DEPDC5: variants seen among roughly 807,000 people sequenced by gnomAD.
DEPDC5 encodes the protein DEP domain containing 5, GATOR1 subcomplex subunit.
A neutral mutation model predicts 217.3 loss-of-function variants in DEPDC5; 73 were observed. The ratio of observed to expected loss-of-function variants is 0.34; its 90% confidence interval spans 0.28 to 0.41. The LOEUF (loss-of-function observed/expected upper bound fraction) is 0.41, where lower values mean the gene tolerates loss of function less well. DEPDC5 is among the 10% of genes least tolerant of loss of function. The pLI is 1.00. For synonymous variants in DEPDC5, 733 were observed against 756.7 expected, an observed-to-expected ratio of 0.97 and a Z score of 0.51; for missense variants, 1,675 against 2,070.1, an observed-to-expected ratio of 0.81 and a Z score of 3.70.
intron 3 of DEPDC5, among the ~76,000 whole-genome samples, chr22:31,759,863 A>G (rs1186609453): frequency 6.7e-6 from 1 of 149,606 alleles, no homozygotes; most frequent in Non-Finnish European, 1.5e-5. Flanking sequence ...TTGTATTTTT[A>G]ATAGAGACAG....
intron 7 of DEPDC5, among the ~76,000 whole-genome samples, chr22:31,772,422 T>C (rs1225604053): frequency 1.3e-5 from 2 of 152,174 alleles, no homozygotes; most frequent in African/African-American, 4.8e-5. Flanking sequence ...GCAGAGCCAG[T>C]GTTTAGCCAT....
Position 31,906,333 on chromosome 22 carries a change from T to G in DEPDC5, c.4648T>G (p.Tyr1550Asp). The change falls in exon 43 of 43, where the codon TAC becomes GAC. Residue 1550 changes from tyrosine (Y) to aspartate (D), a missense_variant. Around this residue, in one of 11 missense-constraint regions of DEPDC5, gnomAD observed 42 missense variants for 27.7 expected, o/e 1.51. Coordinates refer to ENST00000651528, the MANE Select transcript of DEPDC5 (RefSeq NM_001242896.3). The surrounding 1 kb of genome is among the most constrained non-coding windows in gnomAD (Gnocchi z 5.1). ...CEERVGYNWA[Y>D]NTMLTKTWRS... Reference sequence around the variant, plus strand: ...GGAGCGGGTCGGCTACAACTGGGCCTACAACACCATGCTCACCAAAACATG... The same window carrying G: ...GGAGCGGGTCGGCTACAACTGGGCCGACAACACCATGCTCACCAAAACATG... 5.6e-6 allele frequency: 9 copies of G among 1,614,020 alleles called. No homozygotes were observed. Among genetic ancestry groups the G allele is most frequent in the Non-Finnish European group, 7.6e-6 (9 of 1,179,944 alleles).
intron 40 of DEPDC5, among the ~76,000 whole-genome samples, chr22:31,900,423 G>T (rs1056622358): frequency 2.6e-5 from 4 of 152,034 alleles, no homozygotes; most frequent in Non-Finnish European, 5.9e-5. Context: ...GCCCTTTCTT[G>T]TGGGAAGATT....
chr22:31,900,305 C>T (rs976585551), intron 40 of DEPDC5, among the ~76,000 whole-genome samples: 8 of 152,010 alleles, frequency 5.3e-5, no homozygotes, highest in Non-Finnish European at 1.2e-4. Flanking sequence ...CCTCAGCCTC[C>T]CAAAGTGCTG....
chr22:31,868,408 C>G (rs529831156), intron 33 of DEPDC5, among the ~76,000 whole-genome samples: 1 of 152,024 alleles, frequency 6.6e-6, no homozygotes, highest in South Asian at 2.1e-4. Flanking sequence ...ACTGAGAAGC[C>G]TTGTTTTATT....
chr22:31,760,498 C>T (rs978891251), intron 3 of DEPDC5, 158 bp from the exon 4 acceptor site: 18 of 639,596 alleles, frequency 2.8e-5, no homozygotes, highest in African/African-American at 2.2e-4. Context: ...GCCACCGCAC[C>T]TGGCCGAGTT....
intron 4 of DEPDC5, among the ~76,000 whole-genome samples, chr22:31,761,541 T>C (rs1030168982): frequency 6.6e-6 from 1 of 151,784 alleles, no homozygotes; most frequent in Admixed American, 6.6e-5. Flanking sequence ...GTGACGCTTA[T>C]AGTCCTAGCT....
chr22:31,782,800 C>T (rs748215443), intron 8 of DEPDC5, among the ~76,000 whole-genome samples: 15 of 152,164 alleles, frequency 9.9e-5, no homozygotes, highest in Non-Finnish European at 2.1e-4. Context: ...ATGTTTTTAT[C>T]TTGTACTGTA....
intron 16 of DEPDC5, 87 bp downstream of exon 16, chr22:31,804,310 T>C (rs1282536763): frequency 2.3e-5 from 30 of 1,282,336 alleles, no homozygotes; most frequent in Admixed American, 3.6e-5. Context: ...CATGCACTTA[T>C]AGTCCCACTT....
intron 24 of DEPDC5, among the ~76,000 whole-genome samples, chr22:31,824,179 C>T (rs934529975): frequency 6.6e-6 from 1 of 152,086 alleles, no homozygotes; most frequent in Non-Finnish European, 1.5e-5. Flanking sequence ...AACCCCATCT[C>T]TACTAAAAAT....
chr22:31,849,184 T>C (rs2091898946), intron 31 of DEPDC5, among the ~76,000 whole-genome samples: 1 of 152,194 alleles, frequency 6.6e-6, no homozygotes, highest in South Asian at 2.1e-4. Flanking sequence ...CCCCAGACTG[T>C]TCCAACCTTT....
chr22:31,806,296 G>A, intron 18 of DEPDC5, 105 bp downstream of exon 18: 1 of 995,568 alleles, frequency 1.0e-6, no homozygotes, highest in East Asian at 2.5e-5. Context: ...CAAAGTGTTG[G>A]GATTACAGAC....
chr22:31,871,641 A>G (rs1602597610), intron 34 of DEPDC5, among the ~76,000 whole-genome samples: 1 of 152,170 alleles, frequency 6.6e-6, no homozygotes, highest in Non-Finnish European at 1.5e-5. Context: ...GAGGCTGCCC[A>G]ATGCATAGAA....
rs143436933 is a variant in DEPDC5 at position 31,794,758 on chromosome 22, C to T, written c.767+1941C>T. On this transcript the variant is annotated intron_variant, in intron 12 of 42. Coordinates refer to ENST00000651528, the MANE Select transcript of DEPDC5 (RefSeq NM_001242896.3). Reference sequence around the variant, plus strand: ...TAACTTAGCTGGGTGCAGTGGTGCGCGCCTGTAGTTTCAGCTATTTGGGAG... The same window carrying T: ...TAACTTAGCTGGGTGCAGTGGTGCGTGCCTGTAGTTTCAGCTATTTGGGAG... Among the ~76,000 whole-genome samples, 281 of 152,070 alleles carry T rather than the reference C, an allele frequency of 1.8e-3. 3 individuals carry two copies. Among genetic ancestry groups the T allele is most frequent in the East Asian group, 0.016 (84 of 5,158 alleles).
At chr22:31,886,688 A>T (rs1771325849) in intron 38 of DEPDC5, among the ~76,000 whole-genome samples, 1 of 149,730 alleles carries the variant, frequency 6.7e-6, no homozygotes, top group African/African-American at 2.5e-5. Context: ...TGAACCTGGG[A>T]AACGGAGGTT....
chr22:31,820,738 A>G (rs1236324141), intron 22 of DEPDC5, among the ~76,000 whole-genome samples: 2 of 151,820 alleles, frequency 1.3e-5, no homozygotes, highest in East Asian at 1.9e-4. Flanking sequence ...CCCACTCTTC[A>G]TGTACACTTT....
At chr22:31,783,423 G>A (rs539105770) in intron 8 of DEPDC5, among the ~76,000 whole-genome samples, 134 of 152,078 alleles carry the variant, frequency 8.8e-4, no homozygotes, top group Non-Finnish European at 1.7e-3. Context: ...AACCACCTCC[G>A]GACACGGTGT....
Position 31,758,416 on chromosome 22 carries a change from T to G in DEPDC5, c.59-130T>G, listed in dbSNP as rs2082112060. 3 of 759,736 alleles carry G rather than the reference T, an allele frequency of 3.9e-6. No individual in the cohort carries two copies. In the East Asian group the frequency reaches 7.9e-5, roughly 20 times the overall value. 47.1% of individuals were successfully genotyped at this position (759,736 alleles called of 1,614,324 possible). ...ATCCATTAGTCATTGTAAGCCTCGT[T>G]TCAAAATAGAACCTCATCTGTCAAT... On this transcript the variant is annotated intron_variant, in intron 2 of 42. Coordinates refer to ENST00000651528, the MANE Select transcript of DEPDC5 (RefSeq NM_001242896.3).
chr22:31,875,932 C>T (rs942800199), intron 36 of DEPDC5: 9 of 456,058 alleles, frequency 2.0e-5, no homozygotes, highest in South Asian at 7.7e-5. Context: ...TGCTCCCGGC[C>T]ATCTGAATTT....
Sources: gnomAD v4.1 joint callset for allele counts (sites outside exome capture counted in the v4.1 genomes callset) on GRCh38, gnomAD v4.1.1 for gene constraint, gnomAD v4.1.1 regional missense constraint, Gnocchi (gnomAD v3.1) non-coding constraint, MANE v1.5 for transcripts, NCBI Gene and HGNC (gene_info 2026-07-23, HGNC 2026-07-21) for gene names.